The following CUX1 variants were observed in gnomAD, a reference collection of about 807,000 sequenced individuals.
CUX1 encodes the protein protein CASP.
CUX1 carries 31 observed loss-of-function variants against 158.8 expected under a neutral mutation model. The ratio of observed to expected loss-of-function variants is 0.20; its 90% confidence interval spans 0.15 to 0.26. CUX1 has a LOEUF of 0.26. Ranked by LOEUF, CUX1 falls within the 10% of genes least tolerant of loss-of-function variation. CUX1 has a pLI of 1.00. For missense variants in CUX1, 1,589 were observed against 2,014.6 expected, an observed-to-expected ratio of 0.79 and a Z score of 4.04; for synonymous variants, 879 against 862.1, an observed-to-expected ratio of 1.02 and a Z score of -0.34.
chr7:102,076,918 C>T (rs868939524), intron 4 of CUX1, among the ~76,000 whole-genome samples: 9 of 151,710 alleles, frequency 5.9e-5, no homozygotes, highest in African/African-American at 2.2e-4. Flanking sequence ...CCTGTAGTCC[C>T]AGCTGCTCAG....
intron 18 of CUX1, among the ~76,000 whole-genome samples, 162 bp downstream of exon 18, chr7:102,202,366 A>G (rs1554520078): frequency 1.3e-5 from 2 of 152,074 alleles, no homozygotes; most frequent in African/African-American, 4.8e-5. Context: ...GCTGGTGAAC[A>G]TTGCAGCCCC....
intron 2 of CUX1, among the ~76,000 whole-genome samples, chr7:101,967,862 TA>T (rs1212801937): frequency 6.6e-6 from 1 of 152,160 alleles, no homozygotes; most frequent in African/African-American, 2.4e-5. Context: ...CAGGTGCTGT[TA>T]CTTGGGGGAA....
chr7:102,180,884 G>A (rs967694048), intron 11 of CUX1, among the ~76,000 whole-genome samples: 1 of 149,504 alleles, frequency 6.7e-6, no homozygotes, highest in Non-Finnish European at 1.5e-5. Context: ...CAGCCAGGTC[G>A]TTTTTTTTAA....
intron 1 of CUX1, among the ~76,000 whole-genome samples, chr7:101,847,411 G>A (rs1795812934): frequency 6.6e-6 from 1 of 152,144 alleles, no homozygotes; most frequent in East Asian, 1.9e-4. Context: ...TGTCTAGGCA[G>A]TGGCCAAGGG....
At chr7:102,227,815 G>A (rs1554529192) in intron 21 of CUX1, 146 bp downstream of exon 21, 2 of 813,506 alleles carry the variant, frequency 2.5e-6, no homozygotes, top group African/African-American at 3.4e-5. Flanking sequence ...CTATAGTTGT[G>A]AACAGTAAGG....
At chr7:102,005,304 G>A (rs906230563) in intron 2 of CUX1, among the ~76,000 whole-genome samples, 1 of 152,220 alleles carries the variant, frequency 6.6e-6, no homozygotes, top group Non-Finnish European at 1.5e-5. Context: ...CTGAGGCCAG[G>A]AGTTCGAGAC....
intron 23 of CUX1, among the ~76,000 whole-genome samples, chr7:102,247,221 A>G (rs1021527152): frequency 1.1e-4 from 17 of 150,024 alleles, no homozygotes; most frequent in Non-Finnish European, 2.2e-4. Context: ...GGAAAAAAAA[A>G]AAAAGAAAGA....
chr7:102,000,405 G>A (rs190837738), intron 2 of CUX1, among the ~76,000 whole-genome samples: 83 of 152,304 alleles, frequency 5.4e-4, no homozygotes, highest in Admixed American at 5.4e-3. Flanking sequence ...AAGTGCATGC[G>A]TCTGACCCAG....
At chr7:102,131,902 C>T (rs1231328321) in intron 8 of CUX1, among the ~76,000 whole-genome samples, 4 of 151,984 alleles carry the variant, frequency 2.6e-5, no homozygotes, top group African/African-American at 9.7e-5. Flanking sequence ...GAACTCCTGA[C>T]CTCAAGTGAT....
intron 8 of CUX1, among the ~76,000 whole-genome samples, chr7:102,123,821 C>A (rs552144141): frequency 2.6e-5 from 4 of 152,042 alleles, no homozygotes; most frequent in African/African-American, 9.6e-5. Context: ...TACCACCACA[C>A]CTGGCTAATT....
intron 3 of CUX1, among the ~76,000 whole-genome samples, chr7:102,058,747 G>A (rs1563187426): frequency 6.6e-6 from 1 of 152,138 alleles, no homozygotes; most frequent in Non-Finnish European, 1.5e-5. Flanking sequence ...CAATGGTGAT[G>A]TGAAAATCTC....
chr7:102,280,414 GT>G (rs1563533538), intron 19 of CUX1, among the ~76,000 whole-genome samples: 1 of 152,220 alleles, frequency 6.6e-6, no homozygotes, highest in Non-Finnish European at 1.5e-5. Flanking sequence ...CAGTGACCGG[GT>G]TAACCTGGAG....
At chr7:101,934,613 C>T (rs1806704455) in intron 2 of CUX1, among the ~76,000 whole-genome samples, 1 of 152,120 alleles carries the variant, frequency 6.6e-6, no homozygotes, top group South Asian at 2.1e-4. Context: ...AGACGAGAAA[C>T]ACATTTTATG....
intron 8 of CUX1, among the ~76,000 whole-genome samples, chr7:102,150,863 C>T (rs782382352): frequency 2.0e-5 from 3 of 152,164 alleles, no homozygotes; most frequent in South Asian, 2.1e-4. Flanking sequence ...AGCATAATAC[C>T]GGGCAGGTTA....
chr7:102,026,930 C>T (rs1820106095), intron 2 of CUX1, among the ~76,000 whole-genome samples: 1 of 150,512 alleles, frequency 6.6e-6, no homozygotes. Flanking sequence ...TTCTCAGTTA[C>T]TTCATTTTAA....
At chr7:102,088,200 G>A (rs7777962) in intron 4 of CUX1, among the ~76,000 whole-genome samples, 1 of 152,122 alleles carries the variant, frequency 6.6e-6, no homozygotes, top group African/African-American at 2.4e-5. Flanking sequence ...GTTTCTCCAT[G>A]TTGGCCAGGC....
rs1375348097 is a variant in CUX1, at chr7:102,062,870, C to A, written c.190-7469C>A. 3.9e-5 allele frequency among the ~76,000 whole-genome samples: 6 copies of A among 152,052 alleles called. No homozygotes were observed. The East Asian group carries it at 1.2e-3, about 30-fold the overall frequency. On this transcript the variant is annotated intron_variant, in intron 3 of 23. Coordinates refer to ENST00000292535, the MANE Select transcript of CUX1 (RefSeq NM_181552.4). Reference sequence around the variant, plus strand: ...CTGTAATCCCAGCACTTTGGGAGGCCGAGGCGGGCGGATCACCTGAGGTCG... The same window carrying A: ...CTGTAATCCCAGCACTTTGGGAGGCAGAGGCGGGCGGATCACCTGAGGTCG...
At chr7:101,900,150 A>G (rs761637362) in intron 1 of CUX1, among the ~76,000 whole-genome samples, 27 of 152,218 alleles carry the variant, frequency 1.8e-4, no homozygotes, top group Admixed American at 9.8e-4. Flanking sequence ...CCCATGAAGC[A>G]GCCTCTTCCC....
intron 1 of CUX1, among the ~76,000 whole-genome samples, chr7:101,870,144 GTTTTTTTTGTTTT>G (rs1312896167): frequency 1.8e-5 from 2 of 111,208 alleles, no homozygotes; most frequent in Admixed American, 9.5e-5. Context: ...GATGTTTAGT[GTTTTTTTTGTTTT>G]TTTTTTTTTT....
Sources: gnomAD v4.1 joint callset for allele counts (sites outside exome capture counted in the v4.1 genomes callset) on GRCh38, gnomAD v4.1.1 for gene constraint, MANE v1.5 for transcripts, NCBI Gene and HGNC (gene_info 2026-07-23, HGNC 2026-07-21) for gene names.